The following SH3D21 variants were observed in gnomAD, a reference collection of about 807,000 sequenced individuals.
SH3D21 encodes manchette microtubule inner protein 1.
A neutral mutation model predicts 82.1 loss-of-function variants in SH3D21; 83 were observed. That is an observed-to-expected ratio of 1.01 (90% CI 0.85 to 1.21). SH3D21 has a LOEUF of 1.21. Ranked by LOEUF, SH3D21 falls within the 50% of genes most tolerant of loss-of-function variation. The probability of loss-of-function intolerance (pLI) is 0.00; values close to 1 mark genes in which losing one functional copy is unlikely to be tolerated. For synonymous variants in SH3D21, 383 were observed against 387.8 expected (o/e 0.99, Z 0.15); for missense variants, 980 against 962.1 (o/e 1.02, Z -0.25).
chr1:36,322,903 C>T, downstream of SH3D21: 1 of 1,579,974 alleles, frequency 6.3e-7, no homozygotes, highest in Non-Finnish European at 8.6e-7. Flanking sequence ...GGACAAGGCG[C>T]TGGGGAGGGA....
Position 36,306,868 on chromosome 1 carries a change from C to A in SH3D21, c.189C>A (p.Ser63=), listed in dbSNP as rs779684193. 7.7e-7 allele frequency: 1 copy of A among 1,297,924 alleles called. No individual in the cohort carries two copies. The highest frequency in any genetic ancestry group is 1.2e-5 in the South Asian group (1 of 80,366). 80.4% of individuals were successfully genotyped at this position (1,297,924 alleles called of 1,614,324 possible). A position where few individuals can be genotyped will look rare whatever the true frequency, so the allele number is the denominator to read the frequency against. Residue 63 remains serine, a synonymous_variant, in exon 3 of 16, where the codon TCC becomes TCA. Coordinates refer to ENST00000453908, the MANE Select transcript of SH3D21 (RefSeq NM_001162530.2). The surrounding 1 kb of genome is among the most constrained non-coding windows in gnomAD (Gnocchi z 4.5). ...AGATCCCAGAGACCCTGCGGGGCTC[C>A]GGAGAGGCGCGGAGGCCGCGCTGTG... The part of the protein sequence containing the change: ...VQEIPETLRG[S]GEARRPRCAR...
chr1:36,307,124 T>G lies in SH3D21; in HGVS notation c.227-43T>G, dbSNP rs1646142447. The G allele has an allele frequency of 3.2e-6, 5 of 1,549,408 alleles. No individual in the cohort carries two copies. Among genetic ancestry groups the G allele is most frequent in the African/African-American group, 1.4e-5 (1 of 72,998 alleles). ...TTGCGCTTCCCCCAGCTCCTCTGACTGGGGCGTCCGACTGGAGCTCAGCCG... is the reference window on the plus strand; with the variant it reads ...TTGCGCTTCCCCCAGCTCCTCTGACGGGGGCGTCCGACTGGAGCTCAGCCG... On this transcript the variant is annotated intron_variant, in intron 3 of 15. Coordinates refer to ENST00000453908, the MANE Select transcript of SH3D21 (RefSeq NM_001162530.2). This position sits in a 1 kb window ranked among gnomAD's most constrained non-coding sequence, Gnocchi z 5.4.
chr1:36,321,650 A>T (rs1056911745), downstream of SH3D21: 1 of 1,014,938 alleles, frequency 9.9e-7, no homozygotes, highest in Non-Finnish European at 1.2e-6. This position sits in a 1 kb window ranked among gnomAD's most constrained non-coding sequence, Gnocchi z 6.1. Context: ...CCAAGCACGC[A>T]TGCTTACACC....
chr1:36,310,690 G>A (rs1646221407), intron 10 of SH3D21, among the ~76,000 whole-genome samples: 1 of 151,516 alleles, frequency 6.6e-6, no homozygotes, highest in South Asian at 2.1e-4. Flanking sequence ...ATTGCCTGTT[G>A]TTTGTGTCCT....
At chr1:36,313,303 G>A (rs1171462260) in intron 10 of SH3D21, among the ~76,000 whole-genome samples, 3 of 141,584 alleles carry the variant, frequency 2.1e-5, no homozygotes, top group Non-Finnish European at 3.1e-5. Flanking sequence ...TCCAGCCTGG[G>A]TGACAGAGTG....
chr1:36,307,396 A>T lies in SH3D21; in HGVS notation c.345+111A>T. The T allele has an allele frequency of 6.6e-7, 1 of 1,510,944 alleles. No individual in the cohort carries two copies. Among genetic ancestry groups the T allele is most frequent in the Non-Finnish European group, 9.0e-7 (1 of 1,115,878 alleles). 93.6% of individuals were successfully genotyped at this position (1,510,944 alleles called of 1,614,324 possible). ...CGGTGGGAATGGCGACGGTGCAGAT[A>T]CGGGGAAGCGCGGGAGGGAAGGAGG... On this transcript the variant is annotated intron_variant, in intron 4 of 15. Transcript: ENST00000453908. The surrounding 1 kb of genome is among the most constrained non-coding windows in gnomAD (Gnocchi z 5.4).
At chr1:36,321,970 C>T, downstream of SH3D21, 6 of 1,170,640 alleles carry the variant, frequency 5.1e-6, no homozygotes, top group Non-Finnish European at 6.3e-6. The surrounding 1 kb of genome is among the most constrained non-coding windows in gnomAD (Gnocchi z 6.1). Context: ...GTCCTGGGGC[C>T]CCTGCGTGGC....
downstream of SH3D21, among the ~76,000 whole-genome samples, chr1:36,325,541 T>TG (rs919739107): frequency 1.5e-4 from 23 of 152,110 alleles, no homozygotes; most frequent in African/African-American, 4.3e-4. Flanking sequence ...CAGTTTTTTT[T>TG]TTGTTGTTTG....
chr1:36,326,185 C>T (rs59979653), downstream of SH3D21, among the ~76,000 whole-genome samples: 2,136 of 151,056 alleles, frequency 0.014, 56 homozygotes, highest in African/African-American at 0.049. Flanking sequence ...AGGGGCTGCC[C>T]GTGCAGGGAC....
At chr1:36,318,029 G>C (rs977784608) in intron 10 of SH3D21, among the ~76,000 whole-genome samples, 1 of 152,374 alleles carries the variant, frequency 6.6e-6, no homozygotes, top group Middle Eastern at 3.4e-3. Flanking sequence ...CAGGTTGGAG[G>C]CTGTTGGAAT....
chr1:36,321,780 T>G (rs972397047), downstream of SH3D21: 17 of 999,900 alleles, frequency 1.7e-5, no homozygotes, highest in Non-Finnish European at 1.9e-5. This position sits in a 1 kb window ranked among gnomAD's most constrained non-coding sequence, Gnocchi z 6.1. Flanking sequence ...CGTTTGCCGG[T>G]AAGGAATGCG....
chr1:36,322,085 G>A, downstream of SH3D21: 1 of 1,355,422 alleles, frequency 7.4e-7, no homozygotes, highest in Non-Finnish European at 9.4e-7. Context: ...ATCGACCCCA[G>A]AGAGGGAGTG....
At chr1:36,322,730 G>A (rs1646488481), downstream of SH3D21, 1 of 1,546,108 alleles carries the variant, frequency 6.5e-7, no homozygotes, top group Non-Finnish European at 8.7e-7. Flanking sequence ...GGTTGGCTGC[G>A]GGGCACAGGG....
rs1182547600 is a variant in SH3D21 at position 36,306,603 on chromosome 1, C to G, written c.10C>G (p.Leu4Val). The G allele has an allele frequency of 3.8e-6, 5 of 1,302,752 alleles. No homozygotes were observed. In the African/African-American group the frequency reaches 7.6e-5, roughly 20 times the overall value. The allele number at this position is 1,302,752 out of a possible 1,614,324, so 80.7% of individuals were successfully genotyped here. A position where few individuals can be genotyped will look rare whatever the true frequency, so the allele number is the denominator to read the frequency against. ...GCCCCGTCTTCCGCCCGCAGAAGTC[C>G]TCGTCCTGGCCGGATACCGCGCGCA... MEV[L>V]VLAGYRAQKE... The change falls in exon 2 of 16, where the codon CTC (leucine) becomes GTC (valine). Residue 4 changes from leucine to valine, a missense_variant. Leu to Val is a conservative substitution (Grantham distance 32, BLOSUM62 1). Coordinates refer to ENST00000453908, the MANE Select transcript of SH3D21 (RefSeq NM_001162530.2). This position sits in a 1 kb window ranked among gnomAD's most constrained non-coding sequence, Gnocchi z 4.5.
At chr1:36,315,502 A>G (rs1250619803) in intron 10 of SH3D21, among the ~76,000 whole-genome samples, 1 of 151,970 alleles carries the variant, frequency 6.6e-6, no homozygotes, top group East Asian at 1.9e-4. Context: ...GGCACCCAAC[A>G]TCATGCCCGG....
At chr1:36,326,397 A>G (rs540007614), downstream of SH3D21, among the ~76,000 whole-genome samples, 4 of 151,834 alleles carry the variant, frequency 2.6e-5, no homozygotes, top group African/African-American at 9.7e-5. Flanking sequence ...ACACCCTGCT[A>G]ATTTTGTATT....
downstream of SH3D21, chr1:36,321,527 G>T: frequency 1.3e-6 from 1 of 749,170 alleles, no homozygotes; most frequent in Non-Finnish European, 1.8e-6. This position sits in a 1 kb window ranked among gnomAD's most constrained non-coding sequence, Gnocchi z 6.1. Flanking sequence ...GGAGCCGGGC[G>T]GGCCTTCTCG....
downstream of SH3D21, chr1:36,328,469 T>C (rs1353922545): frequency 3.4e-6 from 1 of 294,800 alleles, no homozygotes; most frequent in Non-Finnish European, 6.8e-6. Flanking sequence ...TGGCAAAAAT[T>C]TGCTAAATGG....
intron 10 of SH3D21, among the ~76,000 whole-genome samples, chr1:36,315,369 G>T (rs544138909): frequency 1.7e-4 from 26 of 151,954 alleles, no homozygotes; most frequent in Non-Finnish European, 3.7e-4. Context: ...TTTTGCGGGG[G>T]GAAGGAGTCT....
Sources: gnomAD v4.1 joint callset for allele counts (sites outside exome capture counted in the v4.1 genomes callset) on GRCh38, gnomAD v4.1.1 for gene constraint, Gnocchi (gnomAD v3.1) non-coding constraint, MANE v1.5 for transcripts, NCBI Gene and HGNC (gene_info 2026-07-23, HGNC 2026-07-21) for gene names.